Variants in DCLK1 observed in about 807,000 individuals in gnomAD.
The protein encoded by DCLK1 is doublecortin like kinase 1.
In DCLK1, 16 loss-of-function variants were observed where a neutral mutation model predicts 86.2. The observed-to-expected ratio is 0.19, with a 90% CI of 0.13 to 0.28. DCLK1 has a LOEUF of 0.28. Ranked by LOEUF, DCLK1 falls within the 10% of genes least tolerant of loss-of-function variation. The pLI is 1.00. For synonymous variants in DCLK1, 369 were observed against 370.5 expected, an observed-to-expected ratio of 1.00 and a Z score of 0.05; for missense variants, 590 against 940.2, an observed-to-expected ratio of 0.63 and a Z score of 4.87.
chr13:35,952,961 T>C (rs1877785361), intron 3 of DCLK1, among the ~76,000 whole-genome samples: 1 of 152,222 alleles, frequency 6.6e-6, no homozygotes, highest in Non-Finnish European at 1.5e-5. Flanking sequence ...AACTGTTGCA[T>C]GAACTTGGAT....
At chr13:36,044,759 T>A (rs1313721257) in intron 3 of DCLK1, among the ~76,000 whole-genome samples, 1 of 152,016 alleles carries the variant, frequency 6.6e-6, no homozygotes, top group South Asian at 2.1e-4. Flanking sequence ...TTGAGAAAGA[T>A]AACAAGTTTT....
intron 11 of DCLK1, among the ~76,000 whole-genome samples, chr13:35,822,099 C>A (rs1239020779): frequency 6.6e-6 from 1 of 151,904 alleles, no homozygotes; most frequent in Non-Finnish European, 1.5e-5. Context: ...AAAAGGGCTT[C>A]CTTTTTTTTT....
intron 3 of DCLK1, among the ~76,000 whole-genome samples, chr13:35,949,086 T>C (rs182441195): frequency 7.9e-5 from 12 of 152,322 alleles, no homozygotes; most frequent in East Asian, 7.7e-4. Context: ...AATCAGCATC[T>C]GGCAGAAATG....
intron 3 of DCLK1, among the ~76,000 whole-genome samples, chr13:35,994,883 T>C (rs1880404946): frequency 1.3e-5 from 2 of 152,216 alleles, no homozygotes; most frequent in South Asian, 4.1e-4. Flanking sequence ...ACAATGCATT[T>C]AAAGGAAGTT....
intron 4 of DCLK1, among the ~76,000 whole-genome samples, chr13:35,877,892 T>A (rs1872676479): frequency 6.6e-6 from 1 of 152,192 alleles, no homozygotes; most frequent in African/African-American, 2.4e-5. Context: ...ACAAAGTCAA[T>A]GACAAAAAGA....
chr13:35,836,582 T>A (rs1013109020), intron 7 of DCLK1, among the ~76,000 whole-genome samples: 15 of 152,218 alleles, frequency 9.9e-5, no homozygotes, highest in Middle Eastern at 3.2e-3. Flanking sequence ...AATTGCCTGC[T>A]GTTTGGACAC....
intron 16 of DCLK1, among the ~76,000 whole-genome samples, chr13:35,786,047 T>C (rs57296584): frequency 1.3e-5 from 2 of 152,182 alleles, no homozygotes; most frequent in Non-Finnish European, 2.9e-5. Flanking sequence ...CAGAGCACTT[T>C]ATGTGCGCAA....
Position 35,793,423 on chromosome 13 carries a change from C to T in DCLK1, c.2001G>A (p.Lys667=), listed in dbSNP as rs1239602075. ...TCGGCTTGGGGCCTGTGTTGAAATG[C>T]TTCTTTATCTTTCCAGCTACTGACA... is the stretch of plus-strand genomic sequence containing the variant. The part of the protein sequence containing the change: ...HQLSVAGKIK[K]HFNTGPKPNS... Residue 667 remains lysine, a synonymous_variant, in exon 16 of 17, where the codon AAG becomes AAA. Coordinates refer to ENST00000360631, the MANE Select transcript of DCLK1 (RefSeq NM_001330071.2). 5.0e-6 allele frequency: 8 copies of T among 1,609,644 alleles called. No homozygotes were observed. The highest frequency in any genetic ancestry group is 4.4e-5 in the South Asian group (4 of 90,356).
chr13:35,890,116 A>T (rs1320539743), intron 4 of DCLK1, among the ~76,000 whole-genome samples: 1 of 152,122 alleles, frequency 6.6e-6, no homozygotes, highest in East Asian at 1.9e-4. Flanking sequence ...GCATTTTAAA[A>T]CATTTGAATA....
chr13:35,774,529 G>T lies in DCLK1; in HGVS notation c.*6C>A, dbSNP rs2086388826. 1 of 1,551,776 alleles carries T rather than the reference G, an allele frequency of 6.4e-7. No homozygotes were observed. The highest frequency in any genetic ancestry group is 8.7e-7 in the Non-Finnish European group (1 of 1,147,032). On this transcript the variant is annotated 3_prime_UTR_variant, in exon 17 of 17. Coordinates refer to ENST00000360631, the MANE Select transcript of DCLK1 (RefSeq NM_001330071.2). ...TTAAGCTAGGACTTTGAGTAAAAGG[G>T]TCTTATTAAAAGGGCGAGTTAGGGG...
intron 11 of DCLK1, among the ~76,000 whole-genome samples, chr13:35,816,341 C>T (rs9574661): frequency 0.28 from 41,875 of 152,018 alleles, 6,507 homozygotes; most frequent in African/African-American, 0.42. Context: ...TCTTTCTCTC[C>T]TTCCTATCCT....
intron 6 of DCLK1, among the ~76,000 whole-genome samples, chr13:35,839,752 G>A (rs564507428): frequency 1.3e-5 from 2 of 151,714 alleles, no homozygotes; most frequent in Admixed American, 1.3e-4. Flanking sequence ...TACATAATAA[G>A]TCTGAAGTAA....
Position 35,937,065 on chromosome 13 carries a change from G to C in DCLK1, c.823+10293C>G, listed in dbSNP as rs539416818. ...ACTCACTGTAAGCTCTGCCTCCCAG[G>C]TTCACGCCATTCTCCTGCCTCAGCC... On this transcript the variant is annotated intron_variant, in intron 4 of 16. Transcript: ENST00000360631. Among the ~76,000 whole-genome samples, 16 of 146,372 alleles carry C rather than the reference G, an allele frequency of 1.1e-4. 1 individual carries two copies. In the South Asian group the frequency reaches 1.7e-3, roughly 16 times the overall value.
At chr13:35,795,175 G>A (rs1410846850) in intron 15 of DCLK1, among the ~76,000 whole-genome samples, 2 of 152,202 alleles carry the variant, frequency 1.3e-5, no homozygotes, top group African/African-American at 4.8e-5. Flanking sequence ...ACTTGACCTG[G>A]CCCTTAATGA....
chr13:36,013,846 T>C (rs1036117616), intron 3 of DCLK1, among the ~76,000 whole-genome samples: 5 of 152,206 alleles, frequency 3.3e-5, no homozygotes, highest in Admixed American at 3.3e-4. Context: ...GCCTTGCAGT[T>C]TGATCTCAGA....
At chr13:36,066,092 T>C (rs1335588001) in intron 3 of DCLK1, among the ~76,000 whole-genome samples, 9 of 152,212 alleles carry the variant, frequency 5.9e-5, no homozygotes, top group Admixed American at 5.9e-4. Context: ...TTAAATAGCA[T>C]TTTATAATAT....
intron 9 of DCLK1, 66 bp from the exon 10 acceptor site, chr13:35,827,820 T>A (rs1417299489): frequency 1.3e-6 from 2 of 1,578,470 alleles, no homozygotes; most frequent in African/African-American, 2.7e-5. Context: ...CTCAAATGAG[T>A]ACAACTATAC....
At chr13:36,012,320 T>C (rs1881310247) in intron 3 of DCLK1, among the ~76,000 whole-genome samples, 1 of 151,664 alleles carries the variant, frequency 6.6e-6, no homozygotes, top group Non-Finnish European at 1.5e-5. Context: ...TTCTTCCTAG[T>C]CTCGATGGTC....
intron 6 of DCLK1, chr13:35,847,574 A>C: frequency 4.2e-6 from 4 of 960,734 alleles, no homozygotes; most frequent in Non-Finnish European, 4.9e-6. Flanking sequence ...ATATTCATTC[A>C]CTTTCATTAA....
Sources: allele counts gnomAD v4.1 joint callset (sites outside exome capture counted in the v4.1 genomes callset), GRCh38; gene constraint gnomAD v4.1.1; transcripts MANE v1.5; gene names NCBI Gene and HGNC (gene_info 2026-07-23, HGNC 2026-07-21).